Variants in PPP2R2C observed in about 807,000 individuals in gnomAD.
PPP2R2C encodes the protein protein phosphatase 2 regulatory subunit Bgamma, also known as protein phosphatase 2, regulatory subunit B, gamma.
PPP2R2C carries 10 observed loss-of-function variants against 45.3 expected under a neutral mutation model. That is an observed-to-expected ratio of 0.22 (90% CI 0.14 to 0.37). The LOEUF (loss-of-function observed/expected upper bound fraction) is 0.37, where lower values mean the gene tolerates loss of function less well. Ranked by LOEUF, PPP2R2C falls within the 10% of genes least tolerant of loss-of-function variation. The pLI is 1.00. For missense variants in PPP2R2C, 308 were observed against 619.7 expected (o/e 0.50, Z 5.34); for synonymous variants, 257 against 245.4 (o/e 1.05, Z -0.44).
At chr4:6,348,753 G>A in intron 5 of PPP2R2C, 1 of 950,270 alleles carries the variant, frequency 1.1e-6, no homozygotes, top group Non-Finnish European at 1.3e-6. Flanking sequence ...GGAGCTTGAG[G>A]GTGGGGCAGA....
intron 1 of PPP2R2C, chr4:6,384,525 A>G: frequency 1.0e-6 from 1 of 976,018 alleles, no homozygotes; most frequent in Non-Finnish European, 1.2e-6. Flanking sequence ...AATATATAAA[A>G]CGCTGCACAT....
At chr4:6,440,125 C>T (rs1720080319) in intron 1 of PPP2R2C, among the ~76,000 whole-genome samples, 2 of 152,174 alleles carry the variant, frequency 1.3e-5, no homozygotes, top group South Asian at 4.1e-4. Context: ...GGTTGTCTTT[C>T]TGTCCACCTC....
Position 6,563,110 on chromosome 4 carries a change from C to G in PPP2R2C, c.-59+450G>C, listed in dbSNP as rs1004396093. ...AACTCCGCCGCATTGGGTCTTACCC[C>G]GGACTCCGAGCCGGACCCCGCGCCC... On this transcript the variant is annotated intron_variant, in intron 1 of 9. Transcript: ENST00000506140. This position sits in a 1 kb window ranked among gnomAD's most constrained non-coding sequence, Gnocchi z 5.8. Among the ~76,000 whole-genome samples, 10 of 152,354 alleles carry G rather than the reference C, an allele frequency of 6.6e-5. No individual in the cohort carries two copies. The highest frequency in any genetic ancestry group is 4.6e-4 in the Admixed American group (7 of 15,312).
intron 1 of PPP2R2C, among the ~76,000 whole-genome samples, chr4:6,442,695 G>C (rs1028851738): frequency 6.6e-6 from 1 of 152,170 alleles, no homozygotes; most frequent in African/African-American, 2.4e-5. Flanking sequence ...CTAGGGTGTG[G>C]GGTACAGTTT....
intron 1 of PPP2R2C, among the ~76,000 whole-genome samples, chr4:6,402,700 T>C (rs1717497724): frequency 6.6e-6 from 1 of 152,078 alleles, no homozygotes. Flanking sequence ...GAGGGAGACA[T>C]GGGGATTCTG....
chr4:6,504,466 A>G (rs891537436), intron 2 of PPP2R2C, among the ~76,000 whole-genome samples: 1 of 152,186 alleles, frequency 6.6e-6, no homozygotes. Flanking sequence ...GAAAAAAAAA[A>G]TCAACTGAGA....
intron 1 of PPP2R2C, among the ~76,000 whole-genome samples, chr4:6,390,229 G>T (rs1343832088): frequency 2.2e-5 from 2 of 91,410 alleles, no homozygotes; most frequent in Non-Finnish European, 4.3e-5. Flanking sequence ...GAGGGAGGCT[G>T]GGGGTGCACA....
chr4:6,429,085 GTAGA>G (rs1161641485), intron 1 of PPP2R2C, among the ~76,000 whole-genome samples: 2 of 754 alleles, frequency 2.7e-3, no homozygotes, highest in African/African-American at 5.1e-3. Context: ...CAGACAATGT[GTAGA>G]TACATGCCAT....
chr4:6,392,092 T>C (rs1716682995), intron 1 of PPP2R2C, among the ~76,000 whole-genome samples: 1 of 152,204 alleles, frequency 6.6e-6, no homozygotes, highest in Non-Finnish European at 1.5e-5. Context: ...AGAGTCTCTG[T>C]CTGGGATGAT....
At chr4:6,357,872 G>A (rs916216621) in intron 5 of PPP2R2C, among the ~76,000 whole-genome samples, 4 of 152,104 alleles carry the variant, frequency 2.6e-5, no homozygotes, top group African/African-American at 9.7e-5. Context: ...CACAGGAGGT[G>A]TGATCCACAC....
rs559610453 is a variant in PPP2R2C, at chr4:6,472,325, C to A, written c.-96G>T. On this transcript the variant is annotated 5_prime_UTR_variant, in exon 1 of 9. Transcript: ENST00000382599. ...GGGCGCGCGGGCCATGCCGCCGCAG[C>A]CTAGCAGGGGCGCGGGCCGCCGGGG... The A allele has an allele frequency of 2.2e-4, 328 of 1,484,364 alleles. 1 individual carries two copies. Among genetic ancestry groups the A allele is most frequent in the Non-Finnish European group, 6.9e-5 (77 of 1,115,832 alleles). The allele number at this position is 1,484,364 out of a possible 1,614,324, so 91.9% of individuals were successfully genotyped here. A position where few individuals can be genotyped will look rare whatever the true frequency, so the allele number is the denominator to read the frequency against.
chr4:6,381,807 C>T, intron 1 of PPP2R2C: 1 of 1,614,018 alleles, frequency 6.2e-7, no homozygotes, highest in Non-Finnish European at 8.5e-7. Flanking sequence ...GGCTGGCCTT[C>T]CTGGATGGGC....
intron 1 of PPP2R2C, among the ~76,000 whole-genome samples, chr4:6,470,911 C>A (rs1721837024): frequency 6.6e-6 from 1 of 151,842 alleles, no homozygotes; most frequent in Non-Finnish European, 1.5e-5. Context: ...CCGCCCAGGT[C>A]CCACGCCCAG....
chr4:6,377,855 G>A (rs914188937), intron 3 of PPP2R2C, among the ~76,000 whole-genome samples: 32 of 152,072 alleles, frequency 2.1e-4, no homozygotes, highest in Non-Finnish European at 2.9e-4. Flanking sequence ...GAGAGCCTCC[G>A]GTGCCTGAGG....
At chr4:6,405,057 G>C (rs936681025) in intron 1 of PPP2R2C, among the ~76,000 whole-genome samples, 2 of 152,212 alleles carry the variant, frequency 1.3e-5, no homozygotes, top group South Asian at 2.1e-4. Context: ...AAGTGTGTCG[G>C]GCACAAAATA....
intron 1 of PPP2R2C, among the ~76,000 whole-genome samples, chr4:6,456,235 A>C (rs1721022384): frequency 1.3e-5 from 2 of 152,160 alleles, no homozygotes; most frequent in African/African-American, 4.8e-5. Context: ...TACAATCTGC[A>C]GGGGGTAGTT....
intron 1 of PPP2R2C, among the ~76,000 whole-genome samples, chr4:6,409,989 C>T (rs1219570792): frequency 6.6e-6 from 1 of 152,184 alleles, no homozygotes; most frequent in Non-Finnish European, 1.5e-5. Context: ...AGTGAGGAGC[C>T]AGTCTGGTGT....
chr4:6,450,967 G>A (rs975310434), intron 1 of PPP2R2C, among the ~76,000 whole-genome samples: 89 of 152,274 alleles, frequency 5.8e-4, no homozygotes, highest in African/African-American at 1.9e-3. Flanking sequence ...ATTCTCTCCT[G>A]TATCCCTGGC....
chr4:6,472,705 G>A (rs938168628), upstream of PPP2R2C, among the ~76,000 whole-genome samples: 1 of 151,584 alleles, frequency 6.6e-6, no homozygotes, highest in Non-Finnish European at 1.5e-5. Flanking sequence ...AGGTGGAGCC[G>A]GCGCCCAAGC....
Sources: allele counts gnomAD v4.1 joint callset (sites outside exome capture counted in the v4.1 genomes callset), GRCh38; gene constraint gnomAD v4.1.1; non-coding constraint Gnocchi (gnomAD v3.1); transcripts MANE v1.5; gene names NCBI Gene and HGNC (gene_info 2026-07-23, HGNC 2026-07-21).